Variants in SLC14A2 observed in about 807,000 individuals in gnomAD.
The protein encoded by SLC14A2 is urea transporter 2.
A neutral mutation model predicts 104.6 loss-of-function variants in SLC14A2; 91 were observed. That is an observed-to-expected ratio of 0.87 (90% CI 0.73 to 1.04). The LOEUF (loss-of-function observed/expected upper bound fraction) is 1.04, where lower values mean the gene tolerates loss of function less well. Ranked by LOEUF, SLC14A2 falls within the 50% of genes least tolerant of loss-of-function variation. SLC14A2 has a pLI of 0.00. For synonymous variants in SLC14A2, 476 were observed against 466.4 expected (o/e 1.02, Z -0.27); for missense variants, 1,189 against 1,156.0 (o/e 1.03, Z -0.41).
intron 2 of SLC14A2, among the ~76,000 whole-genome samples, chr18:45,503,976 C>A (rs1598931392): frequency 6.6e-6 from 1 of 152,282 alleles, no homozygotes; most frequent in Non-Finnish European, 1.5e-5. Context: ...GTCTCCTGGT[C>A]TAATGGTCAT....
chr18:45,409,644 C>T (rs1280218623), intron 1 of SLC14A2, among the ~76,000 whole-genome samples: 1 of 152,100 alleles, frequency 6.6e-6, no homozygotes, highest in East Asian at 1.9e-4. Context: ...CTCCTACCCA[C>T]CCCTTTCCCA....
In SLC14A2 at chr18:45,219,501, G is replaced by A. The variant is rs559943494; in HGVS notation, c.-125+6310G>A. On this transcript the variant is annotated intron_variant, in intron 1 of 20. Coordinates refer to the SLC14A2 transcript ENST00000586448. ...AGGTGGTAGAATCTAGAGAGTAAGA[G>A]GAGGTGAAAGGCGAACGGTTATCAA... 2.5e-5 allele frequency among the ~76,000 whole-genome samples: 3 copies of A among 119,792 alleles called. No homozygotes were observed. In the South Asian group the frequency reaches 8.0e-4, roughly 32 times the overall value. The allele number at this position is 119,792 out of a possible 152,430, so 78.6% of individuals were successfully genotyped here.
chr18:45,281,669 C>T (rs559863633), intron 1 of SLC14A2, among the ~76,000 whole-genome samples: 46 of 152,156 alleles, frequency 3.0e-4, no homozygotes, highest in Non-Finnish European at 3.4e-4. Context: ...GTAAATAAAA[C>T]ATGCCTATCA....
At chr18:45,546,232 A>T (rs2043967222) in intron 2 of SLC14A2, among the ~76,000 whole-genome samples, 1 of 152,254 alleles carries the variant, frequency 6.6e-6, no homozygotes, top group Admixed American at 6.5e-5. Context: ...CAGAGCTAAT[A>T]TTCCCTACAT....
At chr18:45,382,040 C>T (rs944601703) in intron 1 of SLC14A2, among the ~76,000 whole-genome samples, 3 of 152,204 alleles carry the variant, frequency 2.0e-5, no homozygotes, top group Non-Finnish European at 2.9e-5. Context: ...TGGCAACCTT[C>T]ATTCAACCCA....
intron 1 of SLC14A2, among the ~76,000 whole-genome samples, chr18:45,472,098 A>G (rs900460351): frequency 6.7e-6 from 1 of 149,416 alleles, no homozygotes; most frequent in Non-Finnish European, 1.5e-5. Context: ...TCGTTGTTCA[A>G]CTCCCCCTTA....
intron 2 of SLC14A2, among the ~76,000 whole-genome samples, chr18:45,552,812 A>T (rs1029184219): frequency 2.0e-5 from 3 of 152,208 alleles, no homozygotes; most frequent in African/African-American, 7.2e-5. Context: ...AACAGCAGGG[A>T]TCTGCAGAGC....
chr18:45,485,437 A>T (rs1012168005), intron 2 of SLC14A2: 4 of 152,170 alleles, frequency 2.6e-5, no homozygotes, highest in Non-Finnish European at 5.9e-5. Flanking sequence ...GGTCAGCCTA[A>T]TTGCACCTGG....
intron 1 of SLC14A2, among the ~76,000 whole-genome samples, chr18:45,412,270 G>A (rs1223689547): frequency 6.6e-6 from 1 of 152,130 alleles, no homozygotes; most frequent in Admixed American, 6.6e-5. Flanking sequence ...AGTGAACAAT[G>A]TTTTATCCTG....
Position 45,682,505 on chromosome 18 carries a change from T to G in SLC14A2, c.2749T>G (p.Tyr917Asp). Residue 917 changes from tyrosine (Y) to aspartate (D), a missense_variant, in exon 20 of 20, where the codon TAC (tyrosine) becomes GAC (aspartate). Coordinates refer to ENST00000255226, the MANE Select transcript of SLC14A2 (RefSeq NM_007163.4). ...RASIITKYQA[Y>D]DVS Reference sequence around the variant, plus strand: ...ATCAATCATAACAAAGTATCAGGCCTACGATGTCTCCTAAGTTTCCCTGTC... The same window carrying G: ...ATCAATCATAACAAAGTATCAGGCCGACGATGTCTCCTAAGTTTCCCTGTC... 6.2e-7 allele frequency: 1 copy of G among 1,613,860 alleles called. No individual in the cohort carries two copies.
intron 1 of SLC14A2, among the ~76,000 whole-genome samples, chr18:45,469,662 G>C (rs1187154820): frequency 6.6e-6 from 1 of 152,166 alleles, no homozygotes; most frequent in Non-Finnish European, 1.5e-5. Flanking sequence ...GGCAAAGAAG[G>C]CTCCCCAGAG....
intron 1 of SLC14A2, among the ~76,000 whole-genome samples, chr18:45,315,696 G>T (rs1429053076): frequency 6.6e-6 from 1 of 152,134 alleles, no homozygotes; most frequent in Non-Finnish European, 1.5e-5. Context: ...GAAGAGAAGG[G>T]AATGAGATGA....
intron 2 of SLC14A2, among the ~76,000 whole-genome samples, chr18:45,545,684 A>G (rs908408522): frequency 4.6e-5 from 7 of 152,200 alleles, no homozygotes; most frequent in African/African-American, 1.7e-4. Flanking sequence ...GTATCATCAC[A>G]TCTTTGGAAA....
intron 2 of SLC14A2, among the ~76,000 whole-genome samples, chr18:45,559,047 CT>C: frequency 6.6e-6 from 1 of 152,102 alleles, no homozygotes; most frequent in East Asian, 1.9e-4. Flanking sequence ...CCTCGGCCTC[CT>C]AAAGTGCTGT....
At chr18:45,549,098 T>C (rs1598991602) in intron 2 of SLC14A2, among the ~76,000 whole-genome samples, 1 of 152,250 alleles carries the variant, frequency 6.6e-6, no homozygotes, top group Non-Finnish European at 1.5e-5. Context: ...CACAGTCAGA[T>C]ATGGATATGC....
In SLC14A2 at chr18:45,666,993, C is replaced by G; in HGVS notation, c.1616C>G (p.Thr539Arg). The G allele has an allele frequency of 6.2e-7, 1 of 1,613,956 alleles. No individual in the cohort carries two copies. Among genetic ancestry groups the G allele is most frequent in the Non-Finnish European group, 8.5e-7 (1 of 1,179,814 alleles). ...AAAGTGGAAACAAACATTTCCAAGA[C>G]ATCCTGGATTCGGAGTTCCATGGCT... ...EIKVETNISK[T>R]SWIRSSMAAS... The change falls in exon 13 of 20, where the codon ACA (threonine) becomes AGA (arginine). Residue 539 changes from threonine (T) to arginine (R), a missense_variant. By Grantham distance (71) the Thr-to-Arg change is moderately conservative. Transcript: ENST00000255226.
At chr18:45,476,249 G>T (rs565511190) in intron 1 of SLC14A2, among the ~76,000 whole-genome samples, 8 of 152,236 alleles carry the variant, frequency 5.3e-5, no homozygotes, top group Non-Finnish European at 1.0e-4. Context: ...AGATTAGTTT[G>T]GCTGGATATG....
chr18:45,468,319 C>T (rs527925223), intron 1 of SLC14A2, among the ~76,000 whole-genome samples: 1 of 151,980 alleles, frequency 6.6e-6, no homozygotes, highest in Non-Finnish European at 1.5e-5. Context: ...AGTATCTTCA[C>T]TGGGAGGGAG....
the SLC14A2 span, among the ~76,000 whole-genome samples, chr18:45,199,144 G>A: frequency 0.9 from 136,472 of 152,150 alleles, 61,242 homozygotes; most frequent in Middle Eastern, 0.94. Context: ...TCTTTTATTA[G>A]TGAAAAATAA....
Sources: allele counts gnomAD v4.1 joint callset (sites outside exome capture counted in the v4.1 genomes callset), GRCh38; gene constraint gnomAD v4.1.1; transcripts MANE v1.5; gene names NCBI Gene and HGNC (gene_info 2026-07-23, HGNC 2026-07-21).